ATRNL1: variants seen among roughly 807,000 people sequenced by gnomAD.
ATRNL1 encodes attractin-like protein 1.
A neutral mutation model predicts 182.7 loss-of-function variants in ATRNL1; 95 were observed. The ratio of observed to expected loss-of-function variants is 0.52; its 90% CI spans 0.44 to 0.62. ATRNL1 has a LOEUF of 0.62. Among genes scored for constraint, ATRNL1 ranks in the 20% least tolerant of loss-of-function variants. The probability of loss-of-function intolerance (pLI) is 0.00; values close to 1 mark genes in which losing one functional copy is unlikely to be tolerated. For synonymous variants in ATRNL1, 576 were observed against 568.3 expected (o/e 1.01, Z -0.19); for missense variants, 1,471 against 1,679.5 (o/e 0.88, Z 2.17).
intron 24 of ATRNL1, among the ~76,000 whole-genome samples, chr10:115,477,200 A>G (rs1554973320): frequency 6.6e-6 from 1 of 151,576 alleles, no homozygotes; most frequent in Non-Finnish European, 1.5e-5. Context: ...CCCAAAATGA[A>G]ATTTTATAGT....
At chr10:115,490,716 A>AAGTAGGCTTT (rs2134653859) in intron 24 of ATRNL1, among the ~76,000 whole-genome samples, 1 of 152,166 alleles carries the variant, frequency 6.6e-6, no homozygotes, top group South Asian at 2.1e-4. Context: ...CCACCTTCTA[A>AAGTAGGCTTT]AGCCTACTTC....
chr10:115,376,773 G>T (rs1554949654), intron 19 of ATRNL1, among the ~76,000 whole-genome samples: 1 of 152,054 alleles, frequency 6.6e-6, no homozygotes, highest in South Asian at 2.1e-4. Context: ...CAATATTTGG[G>T]AAGTTTTCAG....
At chr10:115,346,437 A>G (rs1012144415) in intron 19 of ATRNL1, among the ~76,000 whole-genome samples, 7 of 152,156 alleles carry the variant, frequency 4.6e-5, no homozygotes, top group Admixed American at 2.6e-4. Flanking sequence ...CATGTATCAG[A>G]CTGTCTTTCC....
chr10:115,653,157 C>T (rs1451787761), intron 26 of ATRNL1, among the ~76,000 whole-genome samples: 1 of 152,116 alleles, frequency 6.6e-6, no homozygotes, highest in Non-Finnish European at 1.5e-5. Context: ...CTTTCACATG[C>T]TTTTATTTTT....
At chr10:115,238,268 T>C (rs983950911) in intron 9 of ATRNL1, among the ~76,000 whole-genome samples, 1 of 152,172 alleles carries the variant, frequency 6.6e-6, no homozygotes, top group Admixed American at 6.5e-5. Flanking sequence ...TGATAAAAAT[T>C]TGGTAAATTT....
In ATRNL1 at chr10:115,223,286, A is replaced by G. The variant is rs191071780; in HGVS notation, c.1532+7406A>G. On this transcript the variant is annotated intron_variant, in intron 9 of 28. Coordinates refer to ENST00000355044, the MANE Select transcript of ATRNL1 (RefSeq NM_207303.4). Reference sequence around the variant, plus strand: ...ACAGAGACTCTGTCTCAAAAGACAAAAAGAAATTCCAGTTATACTAAATGT... The same window carrying G: ...ACAGAGACTCTGTCTCAAAAGACAAGAAGAAATTCCAGTTATACTAAATGT... Among the ~76,000 whole-genome samples, 231 of 152,294 alleles carry G rather than the reference A, an allele frequency of 1.5e-3. 1 individual carries two copies. The highest frequency in any genetic ancestry group is 2.5e-3 in the Non-Finnish European group (167 of 68,022).
intron 8 of ATRNL1, among the ~76,000 whole-genome samples, chr10:115,179,643 T>G (rs1034085413): frequency 2.6e-5 from 4 of 152,108 alleles, no homozygotes; most frequent in African/African-American, 9.7e-5. Flanking sequence ...CAAATATAAC[T>G]TTTGACCAAA....
intron 26 of ATRNL1, among the ~76,000 whole-genome samples, chr10:115,557,666 C>G (rs566096418): frequency 4.5e-4 from 68 of 152,230 alleles, no homozygotes; most frequent in African/African-American, 1.5e-3. Context: ...AAGAATGGAA[C>G]AAGATGACTT....
At chr10:115,273,406 G>A (rs1851960018) in intron 13 of ATRNL1, among the ~76,000 whole-genome samples, 3 of 152,046 alleles carry the variant, frequency 2.0e-5, no homozygotes, top group Non-Finnish European at 4.4e-5. Context: ...AGTGAGATCT[G>A]TCCGCATCCC....
At chr10:115,710,140 A>AG (rs1947021284) in intron 26 of ATRNL1, among the ~76,000 whole-genome samples, 1 of 151,772 alleles carries the variant, frequency 6.6e-6, no homozygotes, top group Admixed American at 6.6e-5. Flanking sequence ...AGTAAAAAAA[A>AG]AACAATAAAA....
intron 2 of ATRNL1, among the ~76,000 whole-genome samples, chr10:115,120,552 T>G (rs538872463): frequency 6.6e-6 from 1 of 152,216 alleles, no homozygotes; most frequent in African/African-American, 2.4e-5. Context: ...GTTATGAAAT[T>G]TGAAGACTTA....
At chr10:115,671,699 C>G (rs2133929320) in intron 26 of ATRNL1, among the ~76,000 whole-genome samples, 1 of 152,170 alleles carries the variant, frequency 6.6e-6, no homozygotes, top group Non-Finnish European at 1.5e-5. Flanking sequence ...CGGCAGGGAA[C>G]AATTTGGGCA....
intron 5 of ATRNL1, among the ~76,000 whole-genome samples, chr10:115,138,411 C>T (rs1016173810): frequency 3.9e-5 from 6 of 152,226 alleles, no homozygotes; most frequent in African/African-American, 1.2e-4. Flanking sequence ...GAGGGCTCTG[C>T]CCCTGCAGCA....
intron 26 of ATRNL1, among the ~76,000 whole-genome samples, chr10:115,674,336 A>G (rs74158246): frequency 0.012 from 1,800 of 152,168 alleles, 34 homozygotes; most frequent in African/African-American, 0.041. Context: ...TTAAGTCACT[A>G]TGTGGAAGAG....
intron 27 of ATRNL1, among the ~76,000 whole-genome samples, chr10:115,801,644 T>C (rs1366574282): frequency 6.6e-6 from 1 of 152,164 alleles, no homozygotes; most frequent in Non-Finnish European, 1.5e-5. Context: ...TCACACAGCT[T>C]AGTGTCAACA....
chr10:115,362,012 C>T (rs1323648466), intron 19 of ATRNL1, among the ~76,000 whole-genome samples: 1 of 151,922 alleles, frequency 6.6e-6, no homozygotes, highest in African/African-American at 2.4e-5. Context: ...AGTACAGGTG[C>T]CTAATATCCT....
chr10:115,214,999 GT>G (rs1223401186), intron 8 of ATRNL1, among the ~76,000 whole-genome samples: 1 of 152,170 alleles, frequency 6.6e-6, no homozygotes, highest in African/African-American at 2.4e-5. Flanking sequence ...AAACATACCA[GT>G]TTTGCTACTG....
At chr10:115,386,077 A>G (rs541542319) in intron 19 of ATRNL1, among the ~76,000 whole-genome samples, 5 of 152,212 alleles carry the variant, frequency 3.3e-5, no homozygotes, top group African/African-American at 9.6e-5. Flanking sequence ...GTAGCTTGCA[A>G]GTCTCTACAA....
chr10:115,492,168 C>T (rs1849331853), intron 24 of ATRNL1, among the ~76,000 whole-genome samples: 1 of 152,138 alleles, frequency 6.6e-6, no homozygotes, highest in African/African-American at 2.4e-5. Flanking sequence ...GAGCTGCAGC[C>T]TGGAGCAGTT....
Sources: allele counts gnomAD v4.1 joint callset (sites outside exome capture counted in the v4.1 genomes callset), GRCh38; gene constraint gnomAD v4.1.1; transcripts MANE v1.5; gene names NCBI Gene and HGNC (gene_info 2026-07-23, HGNC 2026-07-21).